NCOA2: variants seen among roughly 807,000 people sequenced by gnomAD.
NCOA2 encodes nuclear receptor coactivator 2, also known as class E basic helix-loop-helix protein 75.
In NCOA2, 21 loss-of-function variants were observed where a neutral mutation model predicts 145.1. That is an observed-to-expected ratio of 0.14 (90% CI 0.10 to 0.21). NCOA2 has a LOEUF of 0.21. Ranked by LOEUF, NCOA2 falls within the 10% of genes least tolerant of loss-of-function variation. The probability of loss-of-function intolerance (pLI) is 1.00; values close to 1 mark genes in which losing one functional copy is unlikely to be tolerated. For missense variants in NCOA2, 1,472 were observed against 1,837.6 expected, an observed-to-expected ratio of 0.80 and a Z score of 3.64; for synonymous variants, 619 against 637.5, an observed-to-expected ratio of 0.97 and a Z score of 0.44.
intron 4 of NCOA2, among the ~76,000 whole-genome samples, chr8:70,178,809 CG>C (rs1429462615): frequency 6.6e-6 from 1 of 152,160 alleles, no homozygotes; most frequent in African/African-American, 2.4e-5. Flanking sequence ...CAGGTGGAGA[CG>C]GATGTGTGGC....
chr8:70,109,948 T>A lies in NCOA2; in HGVS notation c.*3684A>T, dbSNP rs1806398610. ...TGAATATATCTACCTTTGCATAAAC[T>A]GCTCACACTAGAAATACAAACATCA... On this transcript the variant is annotated 3_prime_UTR_variant, in exon 23 of 23. Transcript: ENST00000452400. 5.3e-6 allele frequency: 1 copy of A among 190,214 alleles called. No homozygotes were observed. The highest frequency in any genetic ancestry group is 1.9e-4 in the South Asian group (1 of 5,164). The allele number at this position is 190,214 out of a possible 1,614,324, so 11.8% of individuals were successfully genotyped here. A position where few individuals can be genotyped will look rare whatever the true frequency, so the allele number is the denominator to read the frequency against.
At chr8:70,187,325 CTTATT>C (rs1278076464) in intron 4 of NCOA2, among the ~76,000 whole-genome samples, 18 of 152,316 alleles carry the variant, frequency 1.2e-4, no homozygotes, top group African/African-American at 3.1e-4. Flanking sequence ...CTCTCCTTTT[CTTATT>C]TTATTTAATT....
chr8:70,322,755 A>G (rs182446440), intron 1 of NCOA2, among the ~76,000 whole-genome samples: 103 of 152,336 alleles, frequency 6.8e-4, no homozygotes, highest in Non-Finnish European at 9.7e-4. Flanking sequence ...GTACCTAGGA[A>G]AGGGTCTGGC....
At chr8:70,261,880 T>C (rs529132794) in intron 2 of NCOA2, among the ~76,000 whole-genome samples, 62 of 152,116 alleles carry the variant, frequency 4.1e-4, no homozygotes, top group African/African-American at 1.4e-3. Context: ...GAAAAAAATT[T>C]TAAAAAGTAC....
chr8:70,324,222 T>C (rs1806349980), intron 1 of NCOA2, among the ~76,000 whole-genome samples: 1 of 152,238 alleles, frequency 6.6e-6, no homozygotes, highest in African/African-American at 2.4e-5. Flanking sequence ...AGACATCTTG[T>C]CAATTTGTGA....
intron 4 of NCOA2, among the ~76,000 whole-genome samples, chr8:70,180,382 C>G (rs932444343): frequency 1.3e-5 from 2 of 152,080 alleles, no homozygotes; most frequent in African/African-American, 4.8e-5. Context: ...TCCATTTGCC[C>G]GCGCTCCAGA....
At chr8:70,380,659 C>T (rs1210581812) in intron 1 of NCOA2, among the ~76,000 whole-genome samples, 1 of 152,028 alleles carries the variant, frequency 6.6e-6, no homozygotes, top group Non-Finnish European at 1.5e-5. Flanking sequence ...TTCTCCAAGC[C>T]TAATTGCACT....
intron 1 of NCOA2, among the ~76,000 whole-genome samples, chr8:70,380,363 T>C (rs897939199): frequency 3.3e-5 from 5 of 152,124 alleles, no homozygotes; most frequent in African/African-American, 9.7e-5. Context: ...TCTTAATTCA[T>C]ACTCCTCACT....
At chr8:70,166,488 C>T (rs1336993923) in intron 7 of NCOA2, 78 bp downstream of exon 7, 1 of 1,483,452 alleles carries the variant, frequency 6.7e-7, no homozygotes, top group Non-Finnish European at 9.4e-7. Context: ...CTTTGGGTGA[C>T]CACTAATTAA....
the NCOA2 span, among the ~76,000 whole-genome samples, chr8:70,433,403 G>A: frequency 6.6e-6 from 1 of 151,782 alleles, no homozygotes; most frequent in African/African-American, 2.4e-5. Flanking sequence ...AACAAATACA[G>A]GACATGTTTT....
intron 2 of NCOA2, among the ~76,000 whole-genome samples, chr8:70,218,803 T>C (rs1046057350): frequency 6.6e-6 from 1 of 152,122 alleles, no homozygotes; most frequent in Non-Finnish European, 1.5e-5. Flanking sequence ...CTTAAGAAAG[T>C]TTCTATCATT....
At position 70,118,551 on chromosome 8, in the gene NCOA2, C is replaced by T. The variant is rs117108830; in HGVS notation, c.4383+2751G>A. 5.6e-3 allele frequency among the ~76,000 whole-genome samples: 854 copies of T among 152,302 alleles called. 9 individuals are homozygous for T. Among genetic ancestry groups the T allele is most frequent in the Middle Eastern group, 0.01 (3 of 294 alleles). ...AGAAACCGCATGGAGAATATGCACA[C>T]AGTAAGTTAAAATCTGGAGCAAACT... On this transcript the variant is annotated intron_variant, in intron 22 of 22. Transcript: ENST00000452400.
chr8:70,112,964 G>A lies in NCOA2; in HGVS notation c.*668C>T, dbSNP rs1806673191. On this transcript the variant is annotated 3_prime_UTR_variant, in exon 23 of 23. Coordinates refer to ENST00000452400, the MANE Select transcript of NCOA2 (RefSeq NM_006540.4). ...GAAAAAATATTTGCTAATGTTAACA[G>A]CCCTCTCACAGGCTCCTTTTCATCT... 5.0e-6 allele frequency: 1 copy of A among 198,816 alleles called. No homozygotes were observed. The highest frequency in any genetic ancestry group is 6.1e-5 in the Admixed American group (1 of 16,492). 12.3% of individuals were successfully genotyped at this position (198,816 alleles called of 1,614,324 possible).
At chr8:70,344,617 A>C (rs938395082) in intron 1 of NCOA2, among the ~76,000 whole-genome samples, 3 of 152,174 alleles carry the variant, frequency 2.0e-5, no homozygotes, top group Non-Finnish European at 4.4e-5. Context: ...CTGGAGGAAA[A>C]TGAGACTCTA....
intron 16 of NCOA2, 23 bp from the exon 17 acceptor site, chr8:70,129,003 C>T: frequency 6.4e-7 from 1 of 1,566,892 alleles, no homozygotes. Context: ...TCCCAAATAA[C>T]AAACAAATAA....
chr8:70,270,796 A>G (rs1824989521), intron 2 of NCOA2, among the ~76,000 whole-genome samples: 1 of 152,230 alleles, frequency 6.6e-6, no homozygotes. Context: ...TACACAAGGA[A>G]AACGATTTTG....
At chr8:70,198,749 G>A (rs994971370) in intron 4 of NCOA2, among the ~76,000 whole-genome samples, 12 of 152,130 alleles carry the variant, frequency 7.9e-5, no homozygotes, top group African/African-American at 2.7e-4. Flanking sequence ...TTCTAGCCTC[G>A]GTAAGGACAA....
At chr8:70,305,546 C>G (rs1171866131) in intron 1 of NCOA2, among the ~76,000 whole-genome samples, 1 of 152,110 alleles carries the variant, frequency 6.6e-6, no homozygotes, top group East Asian at 1.9e-4. Flanking sequence ...GGATGTCAAA[C>G]CCAGGACTGC....
At chr8:70,267,259 A>G (rs1024107519) in intron 2 of NCOA2, among the ~76,000 whole-genome samples, 4 of 152,190 alleles carry the variant, frequency 2.6e-5, no homozygotes, top group Admixed American at 6.5e-5. Flanking sequence ...TTAGAAAAAG[A>G]CGTATTTTAT....
Sources: gnomAD v4.1 joint callset for allele counts (sites outside exome capture counted in the v4.1 genomes callset) on GRCh38, gnomAD v4.1.1 for gene constraint, MANE v1.5 for transcripts, NCBI Gene and HGNC (gene_info 2026-07-23, HGNC 2026-07-21) for gene names.